Variants in MOB3B observed in about 807,000 individuals in gnomAD.
The protein encoded by MOB3B is MOB kinase activator-like 2B.
Under a neutral mutation model 18.7 loss-of-function variants are expected in MOB3B, and 7 were observed. That is an observed-to-expected ratio of 0.37 (90% confidence interval 0.21 to 0.70). MOB3B has a LOEUF of 0.70. Among genes scored for constraint, MOB3B ranks in the 30% least tolerant of loss-of-function variants. The pLI is 0.52. For synonymous variants in MOB3B, 111 were observed against 99.9 expected, an observed-to-expected ratio of 1.11 and a Z score of -0.66; for missense variants, 253 against 281.3, an observed-to-expected ratio of 0.90 and a Z score of 0.72.
chr9:27,522,106 G>A (rs919220698), intron 1 of MOB3B, among the ~76,000 whole-genome samples: 1 of 151,570 alleles, frequency 6.6e-6, no homozygotes, highest in East Asian at 1.9e-4. Flanking sequence ...ACGAGACATG[G>A]TGACGCGTGC....
At chr9:27,420,090 C>T (rs1822216779) in intron 2 of MOB3B, among the ~76,000 whole-genome samples, 1 of 152,042 alleles carries the variant, frequency 6.6e-6, no homozygotes, top group African/African-American at 2.4e-5. Context: ...AAATGCAAAT[C>T]AAAACCACAA....
At chr9:27,359,986 G>A (rs1280953668) in intron 2 of MOB3B, among the ~76,000 whole-genome samples, 1 of 152,170 alleles carries the variant, frequency 6.6e-6, no homozygotes, top group Non-Finnish European at 1.5e-5. Context: ...AACAGACATT[G>A]TTTGAATTCT....
intron 2 of MOB3B, among the ~76,000 whole-genome samples, chr9:27,434,600 A>G (rs994231986): frequency 6.6e-6 from 1 of 152,080 alleles, no homozygotes; most frequent in African/African-American, 2.4e-5. Flanking sequence ...AGGCACCTCA[A>G]ACCCAACTCA....
At chr9:27,426,088 C>T (rs1822325046) in intron 2 of MOB3B, among the ~76,000 whole-genome samples, 1 of 152,158 alleles carries the variant, frequency 6.6e-6, no homozygotes, top group African/African-American at 2.4e-5. Flanking sequence ...TTCATTTCAT[C>T]CTCTCAGTAA....
chr9:27,424,824 A>G (rs1192274961), intron 2 of MOB3B, among the ~76,000 whole-genome samples: 1 of 152,214 alleles, frequency 6.6e-6, no homozygotes, highest in Non-Finnish European at 1.5e-5. Flanking sequence ...ATGTTGGTGC[A>G]TCAGTAGTAG....
intron 1 of MOB3B, among the ~76,000 whole-genome samples, chr9:27,526,975 C>T (rs1489394255): frequency 6.6e-6 from 1 of 152,160 alleles, no homozygotes; most frequent in Non-Finnish European, 1.5e-5. Flanking sequence ...TCCTAAAGAA[C>T]GCATCAGCCC....
intron 2 of MOB3B, among the ~76,000 whole-genome samples, chr9:27,424,794 C>G (rs1822302599): frequency 6.6e-6 from 1 of 152,180 alleles, no homozygotes; most frequent in Non-Finnish European, 1.5e-5. Flanking sequence ...CCATTTGCCA[C>G]AGATTAGAAC....
chr9:27,521,438 T>G (rs1048762465), intron 1 of MOB3B, among the ~76,000 whole-genome samples: 1 of 152,140 alleles, frequency 6.6e-6, no homozygotes, highest in South Asian at 2.1e-4. Context: ...TTGAACTGTC[T>G]CAAACTAGTG....
intron 2 of MOB3B, among the ~76,000 whole-genome samples, chr9:27,367,097 C>T (rs1439014741): frequency 6.6e-6 from 1 of 152,154 alleles, no homozygotes; most frequent in Admixed American, 6.5e-5. Flanking sequence ...TCCTTAGTGG[C>T]CTGGCACCTG....
chr9:27,508,880 G>A (rs890344032), intron 1 of MOB3B, among the ~76,000 whole-genome samples: 1 of 152,106 alleles, frequency 6.6e-6, no homozygotes, highest in African/African-American at 2.4e-5. Flanking sequence ...ATAGAACCAA[G>A]GTCTCCTAAA....
At chr9:27,420,359 T>A (rs899831007) in intron 2 of MOB3B, among the ~76,000 whole-genome samples, 2 of 151,724 alleles carry the variant, frequency 1.3e-5, no homozygotes, top group Non-Finnish European at 2.9e-5. Context: ...TGCACACACA[T>A]GTTTATAGCA....
At chr9:27,429,473 A>T (rs1275991337) in intron 2 of MOB3B, among the ~76,000 whole-genome samples, 1 of 152,200 alleles carries the variant, frequency 6.6e-6, no homozygotes, top group Non-Finnish European at 1.5e-5. Flanking sequence ...TTCTAATCAC[A>T]CTCAGAGCAA....
At chr9:27,409,375 T>C (rs1822031394) in intron 2 of MOB3B, among the ~76,000 whole-genome samples, 2 of 152,124 alleles carry the variant, frequency 1.3e-5, no homozygotes, top group Non-Finnish European at 2.9e-5. Flanking sequence ...ATCATAACCA[T>C]GATGAGATAC....
Position 27,327,882 on chromosome 9 carries a change from C to T in MOB3B, c.*2705G>A, listed in dbSNP as rs1006261547. On this transcript the variant is annotated 3_prime_UTR_variant, in exon 4 of 4. Transcript: ENST00000262244. Reference sequence around the variant, plus strand: ...GAAGTATTTTACATTTTCATGATGTCTGCAACTTATTTTCAGAAGGTTCAA... The same window carrying T: ...GAAGTATTTTACATTTTCATGATGTTTGCAACTTATTTTCAGAAGGTTCAA... The T allele has an allele frequency of 6.6e-6, 1 of 151,978 alleles. No homozygotes were observed. The highest frequency in any genetic ancestry group is 1.5e-5 in the Non-Finnish European group (1 of 67,998). 9.4% of individuals were successfully genotyped at this position (151,978 alleles called of 1,614,324 possible).
intron 2 of MOB3B, among the ~76,000 whole-genome samples, chr9:27,382,415 C>G (rs2131375393): frequency 6.6e-6 from 1 of 152,176 alleles, no homozygotes; most frequent in South Asian, 2.1e-4. Context: ...TCCTGGTGCC[C>G]TGACTCACTC....
chr9:27,513,574 C>T (rs1342519880), intron 1 of MOB3B, among the ~76,000 whole-genome samples: 1 of 152,172 alleles, frequency 6.6e-6, no homozygotes, highest in African/African-American at 2.4e-5. Flanking sequence ...CAACTAATCT[C>T]CTTTGTATCC....
intron 1 of MOB3B, among the ~76,000 whole-genome samples, chr9:27,512,509 CTA>C (rs553143748): frequency 1.8e-4 from 27 of 152,100 alleles, no homozygotes; most frequent in Non-Finnish European, 2.5e-4. Context: ...GTTGAATTTT[CTA>C]TGTTTCAACC....
chr9:27,356,717 G>A (rs1821194989), intron 3 of MOB3B, among the ~76,000 whole-genome samples: 1 of 152,094 alleles, frequency 6.6e-6, no homozygotes, highest in African/African-American at 2.4e-5. Context: ...CATGACTATA[G>A]AAGAGAACTG....
At position 27,389,359 on chromosome 9, in the gene MOB3B, G is replaced by A. The variant is rs368851700; in HGVS notation, c.419-30123C>T. Among the ~76,000 whole-genome samples the A allele has an allele frequency of 3.1e-4, 45 of 146,122 alleles. No homozygotes were observed. The East Asian group carries it at 5.4e-3, about 17-fold the overall frequency. The stretch of plus-strand genomic sequence containing the variant: ...CTGCCTATCTCCCTGCGACCCCACC[G>A]TTTCATTCCACTCCTCTTTCTGATT... On this transcript the variant is annotated intron_variant, in intron 2 of 3. Transcript: ENST00000262244.
Sources: gnomAD v4.1 joint callset for allele counts (sites outside exome capture counted in the v4.1 genomes callset) on GRCh38, gnomAD v4.1.1 for gene constraint, MANE v1.5 for transcripts, NCBI Gene and HGNC (gene_info 2026-07-23, HGNC 2026-07-21) for gene names.